Variants in PIEZO2 observed in about 807,000 individuals in gnomAD.
PIEZO2 encodes piezo type mechanosensitive ion channel component 2, also known as piezo-type mechanosensitive ion channel component 2.
Under a neutral mutation model 337.3 loss-of-function variants are expected in PIEZO2, and 172 were observed. The observed-to-expected ratio is 0.51, with a 90% confidence interval of 0.45 to 0.58. The LOEUF (loss-of-function observed/expected upper bound fraction) is 0.58. PIEZO2 is among the 20% of genes least tolerant of loss of function. PIEZO2 has a pLI of 0.00. For missense variants in PIEZO2, 3,028 were observed against 3,391.3 expected, an observed-to-expected ratio of 0.89 and a Z score of 2.66; for synonymous variants, 1,251 against 1,228.5, an observed-to-expected ratio of 1.02 and a Z score of -0.38.
chr18:10,686,335 G>T (rs1217729435), intron 49 of PIEZO2, among the ~76,000 whole-genome samples: 2 of 152,168 alleles, frequency 1.3e-5, no homozygotes, highest in African/African-American at 4.8e-5. Flanking sequence ...CTCTCTCTGG[G>T]TCTAAAAATG....
intron 1 of PIEZO2, among the ~76,000 whole-genome samples, chr18:11,107,733 A>T (rs929502701): frequency 5.9e-5 from 9 of 152,214 alleles, no homozygotes; most frequent in African/African-American, 2.2e-4. Flanking sequence ...TTCTCTTTTA[A>T]TAAATCATAA....
At chr18:11,133,225 A>C (rs977177071) in intron 1 of PIEZO2, among the ~76,000 whole-genome samples, 1 of 152,158 alleles carries the variant, frequency 6.6e-6, no homozygotes, top group Non-Finnish European at 1.5e-5. Flanking sequence ...TACTGACTTC[A>C]TATCAGCATT....
intron 20 of PIEZO2, among the ~76,000 whole-genome samples, chr18:10,770,572 T>TCTTC (rs34271749): frequency 6.6e-6 from 1 of 151,424 alleles, no homozygotes; most frequent in African/African-American, 2.4e-5. Context: ...TTTGACATTA[T>TCTTC]CTTCCTTCCT....
intron 2 of PIEZO2, among the ~76,000 whole-genome samples, chr18:10,995,082 A>AAAAAAAAAGAAAAG (rs1555689861): frequency 7.8e-6 from 1 of 128,124 alleles, no homozygotes; most frequent in Non-Finnish European, 1.6e-5. Flanking sequence ...CGTCTCAAAA[A>AAAAAAAAAGAAAAG]AAAAAAAAAA....
At chr18:11,014,737 C>A (rs2036040944) in intron 2 of PIEZO2, among the ~76,000 whole-genome samples, 1 of 129,114 alleles carries the variant, frequency 7.7e-6, no homozygotes, top group Non-Finnish European at 1.6e-5. Context: ...GTGGGCACTT[C>A]ACCCTGTGTG....
chr18:10,893,766 C>T (rs910113778), intron 4 of PIEZO2: 1 of 152,028 alleles, frequency 6.6e-6, no homozygotes, highest in African/African-American at 2.4e-5. Flanking sequence ...TGTTCAGTAA[C>T]AGCTAACTGT....
At chr18:10,848,336 A>T (rs1032919796) in intron 7 of PIEZO2, among the ~76,000 whole-genome samples, 1 of 152,222 alleles carries the variant, frequency 6.6e-6, no homozygotes, top group African/African-American at 2.4e-5. Flanking sequence ...TGCACTTGGA[A>T]TGCTTGTTTT....
At chr18:10,755,989 GATGAGGAGGAGGGATGGAGA>G (rs202063842) in intron 27 of PIEZO2, among the ~76,000 whole-genome samples, 26,561 of 140,684 alleles carry the variant, frequency 0.19, 3,040 homozygotes, top group Non-Finnish European at 0.24. Context: ...AAAGATGGAG[GATGAGGAGGAGGGATGGAGA>G]ATGAGGAGGA....
At chr18:11,108,617 A>T (rs199625714) in intron 1 of PIEZO2, among the ~76,000 whole-genome samples, 616 of 134,402 alleles carry the variant, frequency 4.6e-3, no homozygotes, top group African/African-American at 9.4e-3. Flanking sequence ...CCCTCTCAAA[A>T]AAAAAAAAAA....
rs563508728 is a variant in PIEZO2 at position 11,058,347 on chromosome 18, A to G, written c.160+7780T>C. Among the ~76,000 whole-genome samples, 100 of 152,338 alleles carry G rather than the reference A, an allele frequency of 6.6e-4. 2 individuals carry two copies. In the Middle Eastern group the frequency reaches 0.017, roughly 26 times the overall value. On this transcript the variant is annotated intron_variant, in intron 2 of 55. Transcript: ENST00000674853. ...GGGGAAAAAACAGCTGGAAATCTGA[A>G]AACTCTAAAAATCAGAGCACCTCTC...
intron 4 of PIEZO2, among the ~76,000 whole-genome samples, chr18:10,893,007 T>C (rs1166189299): frequency 6.6e-6 from 1 of 152,206 alleles, no homozygotes; most frequent in African/African-American, 2.4e-5. Flanking sequence ...CAGTGGTTTC[T>C]CCCTGGGGAT....
intron 1 of PIEZO2, among the ~76,000 whole-genome samples, chr18:11,135,336 T>C (rs1366705385): frequency 6.6e-6 from 1 of 152,226 alleles, no homozygotes. Flanking sequence ...CTTGGATGAC[T>C]GTACGATTCT....
Position 11,148,504 on chromosome 18 carries a change from C to G in PIEZO2, c.64+21G>C. Reference sequence around the variant, plus strand: ...CCCCCTCGTCCTCCTCAAGTGCCCTCGGAAAGCGGACCAGACTCACCTACT... The same window carrying G: ...CCCCCTCGTCCTCCTCAAGTGCCCTGGGAAAGCGGACCAGACTCACCTACT... On this transcript the variant is annotated intron_variant, in intron 1 of 55. Transcript: ENST00000674853. The surrounding 1 kb of genome is among the most constrained non-coding windows in gnomAD (Gnocchi z 5.2). 1 of 1,537,040 alleles carries G rather than the reference C, an allele frequency of 6.5e-7. No individual in the cohort carries two copies. The highest frequency in any genetic ancestry group is 8.7e-7 in the Non-Finnish European group (1 of 1,146,768).
At chr18:11,114,336 T>G (rs555435983) in intron 1 of PIEZO2, among the ~76,000 whole-genome samples, 42 of 152,324 alleles carry the variant, frequency 2.8e-4, no homozygotes, top group South Asian at 6.2e-4. Flanking sequence ...GAAAGAGGCA[T>G]GTACAACTGT....
At position 10,926,984 on chromosome 18, in the gene PIEZO2, G is replaced by A. The variant is rs114609575; in HGVS notation, c.287-15756C>T. On this transcript the variant is annotated intron_variant, in intron 3 of 55. Transcript: ENST00000674853. The stretch of plus-strand genomic sequence containing the variant: ...GCACAAGCTCTTCCTATCTCCTTTT[G>A]TGAAAGAAAGAATACAAATGTCTTA... Among the ~76,000 whole-genome samples, 1,505 of 152,282 alleles carry A rather than the reference G, an allele frequency of 9.9e-3. 32 individuals are homozygous for A. The highest frequency in any genetic ancestry group is 0.034 in the African/African-American group (1,406 of 41,556).
chr18:10,821,288 A>T lies in PIEZO2; in HGVS notation c.918-14014T>A, dbSNP rs187354837. Among the ~76,000 whole-genome samples the T allele has an allele frequency of 2.0e-5, 3 of 152,088 alleles. No individual in the cohort carries two copies. Among genetic ancestry groups the T allele is most frequent in the Non-Finnish European group, 2.9e-5 (2 of 68,020 alleles). On this transcript the variant is annotated intron_variant, in intron 7 of 55. Transcript: ENST00000674853. This position sits in a 1 kb window ranked among gnomAD's most constrained non-coding sequence, Gnocchi z 4.2. Reference sequence around the variant, plus strand: ...GTTTCCCTTCTCTCAGCCATCATAAACCCACACTTCCAATAGCTCAGCATC... The same window carrying T: ...GTTTCCCTTCTCTCAGCCATCATAATCCCACACTTCCAATAGCTCAGCATC...
rs369516560 is a variant in PIEZO2, at chr18:11,097,111, C to T, written c.65-30889G>A. On this transcript the variant is annotated intron_variant, in intron 1 of 55. Transcript: ENST00000674853. The surrounding 1 kb of genome is among the most constrained non-coding windows in gnomAD (Gnocchi z 5.0). ...ATTTCATCCTCTCCTTGGAAATTGT[C>T]CCTGCTCCATTTTCGGCAAACAGGT... Among the ~76,000 whole-genome samples, 237 of 152,256 alleles carry T rather than the reference C, an allele frequency of 1.6e-3. No homozygotes were observed. The highest frequency in any genetic ancestry group is 6.8e-3 in the Middle Eastern group (2 of 294).
chr18:11,105,000 T>C lies in PIEZO2; in HGVS notation c.65-38778A>G, dbSNP rs2039520109. Among the ~76,000 whole-genome samples, 1 of 152,168 alleles carries C rather than the reference T, an allele frequency of 6.6e-6. No individual in the cohort carries two copies. Among genetic ancestry groups the C allele is most frequent in the South Asian group, 2.1e-4 (1 of 4,830 alleles). ...TGGAGCTAATGGAAAAGAGATACTT[T>C]TGTCATGGGAATCACTAGCTCGAAG... On this transcript the variant is annotated intron_variant, in intron 1 of 55. Coordinates refer to ENST00000674853, the MANE Select transcript of PIEZO2 (RefSeq NM_001378183.1). This position sits in a 1 kb window ranked among gnomAD's most constrained non-coding sequence, Gnocchi z 4.6.
intron 3 of PIEZO2, among the ~76,000 whole-genome samples, chr18:10,934,636 C>CGTGTGTGTGT (rs59190236): frequency 0.056 from 7,348 of 130,750 alleles, 316 homozygotes; most frequent in Non-Finnish European, 0.063. Flanking sequence ...ATTGTGTGTA[C>CGTGTGTGTGT]GTGTGTGTGT....
Sources: gnomAD v4.1 joint callset for allele counts (sites outside exome capture counted in the v4.1 genomes callset) on GRCh38, gnomAD v4.1.1 for gene constraint, Gnocchi (gnomAD v3.1) non-coding constraint, MANE v1.5 for transcripts, NCBI Gene and HGNC (gene_info 2026-07-23, HGNC 2026-07-21) for gene names.